AQR: variants seen among roughly 807,000 people sequenced by gnomAD.
The protein encoded by AQR is RNA helicase aquarius.
In AQR, 61 loss-of-function variants were observed where a neutral mutation model predicts 180.5. That is an observed-to-expected ratio of 0.34 (90% CI 0.28 to 0.42). The LOEUF (loss-of-function observed/expected upper bound fraction) is 0.42. AQR is among the 10% of genes least tolerant of loss of function. The pLI is 1.00. For missense variants in AQR, 1,281 were observed against 1,798.3 expected (o/e 0.71, Z 5.20); for synonymous variants, 551 against 588.8 (o/e 0.94, Z 0.93).
In AQR at chr15:34,886,506, A is replaced by T. The variant is rs376538861; in HGVS notation, c.2817+20T>A. On this transcript the variant is annotated intron_variant, in intron 25 of 34. Transcript: ENST00000156471. ...TTCATATTATGATGAAGTATGATTC[A>T]AAAACCCTTAATATCTTACCTGGTA... is the stretch of plus-strand genomic sequence containing the variant. The T allele has an allele frequency of 1.8e-4, 282 of 1,586,348 alleles. No homozygotes were observed. The African/African-American group carries it at 2.5e-3, about 14-fold the overall frequency.
At chr15:34,911,168 C>T (rs1034607337) in intron 16 of AQR, among the ~76,000 whole-genome samples, 1 of 152,162 alleles carries the variant, frequency 6.6e-6, no homozygotes, top group Admixed American at 6.5e-5. Context: ...TACACACACA[C>T]CACATTTTCA....
At chr15:34,870,626 G>T in intron 31 of AQR, 126 bp downstream of exon 31, 1 of 753,760 alleles carries the variant, frequency 1.3e-6, no homozygotes, top group Non-Finnish European at 2.0e-6. Flanking sequence ...GTTATTTATA[G>T]TTCCCATTAT....
At chr15:34,965,664 C>A (rs987293321) in intron 1 of AQR, among the ~76,000 whole-genome samples, 1 of 152,152 alleles carries the variant, frequency 6.6e-6, no homozygotes, top group African/African-American at 2.4e-5. Flanking sequence ...GAGCAAGACT[C>A]CGTCTCTAAA....
At chr15:34,923,045 T>A (rs560302159) in intron 13 of AQR, among the ~76,000 whole-genome samples, 1 of 152,308 alleles carries the variant, frequency 6.6e-6, no homozygotes, top group East Asian at 1.9e-4. Context: ...TACTCATGGT[T>A]GACCAGAGTC....
At chr15:34,924,518 A>C (rs1330774537) in intron 13 of AQR, among the ~76,000 whole-genome samples, 4 of 150,700 alleles carry the variant, frequency 2.7e-5, no homozygotes, top group African/African-American at 9.8e-5. Context: ...TGCAACCTCC[A>C]CCTCCCAAGT....
chr15:34,879,777 A>C (rs1892942925), intron 27 of AQR, among the ~76,000 whole-genome samples: 1 of 152,118 alleles, frequency 6.6e-6, no homozygotes, highest in Non-Finnish European at 1.5e-5. Flanking sequence ...AATAGACAAC[A>C]GGTTTAGTGT....
rs1276884429 is a variant in AQR, at chr15:34,854,346, C to T, written c.*2446G>A. 1.3e-5 allele frequency: 2 copies of T among 152,012 alleles called. No homozygotes were observed. The highest frequency in any genetic ancestry group is 2.9e-5 in the Non-Finnish European group (2 of 68,006). 9.4% of individuals were successfully genotyped at this position (152,012 alleles called of 1,614,324 possible). ...CTGAAATAGTCACATGGCTAGAGTA[C>T]CTGTGTCTGTAGTAATCCCAAACTA... On this transcript the variant is annotated 3_prime_UTR_variant, in exon 35 of 35. Transcript: ENST00000156471.
At chr15:34,939,592 T>A (rs1893994399) in intron 8 of AQR, among the ~76,000 whole-genome samples, 1 of 152,240 alleles carries the variant, frequency 6.6e-6, no homozygotes, top group Non-Finnish European at 1.5e-5. Context: ...ATTACTACTT[T>A]AAGATATATC....
At chr15:34,920,260 C>A in intron 14 of AQR, 72 bp downstream of exon 14, 6 of 1,095,258 alleles carry the variant, frequency 5.5e-6, no homozygotes, top group Non-Finnish European at 8.0e-6. Context: ...TCTATATGAA[C>A]CTACATCTTT....
At chr15:34,950,326 G>C (rs965137114) in intron 4 of AQR, among the ~76,000 whole-genome samples, 4 of 151,870 alleles carry the variant, frequency 2.6e-5, no homozygotes, top group African/African-American at 9.7e-5. Flanking sequence ...TTGACCTTGT[G>C]ATCCACCCGC....
At chr15:34,947,879 A>G (rs1894154383) in intron 5 of AQR, among the ~76,000 whole-genome samples, 1 of 152,152 alleles carries the variant, frequency 6.6e-6, no homozygotes, top group South Asian at 2.1e-4. Context: ...GCTTCGAGCA[A>G]TCCTCCCACC....
intron 32 of AQR, among the ~76,000 whole-genome samples, chr15:34,865,536 G>A (rs951602480): frequency 6.6e-6 from 1 of 152,146 alleles, no homozygotes; most frequent in South Asian, 2.1e-4. Flanking sequence ...GTTACCATAT[G>A]ACCCAGAAAT....
At position 34,897,692 on chromosome 15, in the gene AQR, C is replaced by A. The variant is rs370501493; in HGVS notation, c.2257G>T (p.Val753Leu). Reference sequence around the variant, plus strand: ...CTTTTCTTCCCTTTTCCACTTCTTACTGGAAAAGTTATCCTACAAGACCAA... The same window carrying A: ...CTTTTCTTCCCTTTTCCACTTCTTAATGGAAAAGTTATCCTACAAGACCAA... ...QIPPFRITFP[V>L]RSGKGKKRKD... is the part of the protein sequence containing the mutation. Residue 753 changes from valine to leucine, a missense_variant, in exon 21 of 35, where the codon GTA becomes TTA. By Grantham distance (32) the Val-to-Leu change is conservative. Around this residue, in one of 9 missense-constraint regions of AQR, gnomAD observed 112 missense variants for 128.6 expected, o/e 0.87. Transcript: ENST00000156471. 1.1e-5 allele frequency: 18 copies of A among 1,613,776 alleles called. No individual in the cohort carries two copies. In the African/African-American group the frequency reaches 2.1e-4, roughly 19 times the overall value.
At chr15:34,908,330 G>A (rs149704338) in intron 17 of AQR, among the ~76,000 whole-genome samples, 1,574 of 152,026 alleles carry the variant, frequency 0.01, 32 homozygotes, top group African/African-American at 0.036. Context: ...CCAGCTACTC[G>A]GGAGGCTGAG....
intron 15 of AQR, among the ~76,000 whole-genome samples, chr15:34,916,376 G>A (rs913275451): frequency 2.6e-5 from 4 of 151,678 alleles, no homozygotes; most frequent in African/African-American, 9.7e-5. Context: ...TATCAAAAAG[G>A]TTTTAAAAAA....
At chr15:34,950,085 T>C (rs1207037532) in intron 4 of AQR, among the ~76,000 whole-genome samples, 1 of 14,868 alleles carries the variant, frequency 6.7e-5, no homozygotes, top group African/African-American at 1.3e-4. Context: ...GCTATTTTCC[T>C]TTTTTTTTTT....
At chr15:34,865,417 A>C (rs1301379885) in intron 32 of AQR, among the ~76,000 whole-genome samples, 1 of 152,110 alleles carries the variant, frequency 6.6e-6, no homozygotes, top group East Asian at 1.9e-4. Context: ...GCTGGCTCCA[A>C]CCCAATCACC....
rs1192783699 is a variant in AQR at position 34,940,955 on chromosome 15, T to C, written c.585A>G (p.Lys195=). Reference sequence around the variant, plus strand: ...CATTCTTTTTAATCAAGTTCCAGAATTTTCTTAGCTTAGGTGTCTTTTTTA... The same window carrying C: ...CATTCTTTTTAATCAAGTTCCAGAACTTTCTTAGCTTAGGTGTCTTTTTTA... ...LELKKTPKLR[K]FWNLIKKNDE... is the part of the protein sequence containing the mutation. The change falls in exon 8 of 35, where the codon AAA becomes AAG. Residue 195 remains lysine, a synonymous_variant. Transcript: ENST00000156471. 1 of 1,611,300 alleles carries C rather than the reference T, an allele frequency of 6.2e-7. No individual in the cohort carries two copies. Among genetic ancestry groups the C allele is most frequent in the African/African-American group, 1.3e-5 (1 of 74,750 alleles).
At chr15:34,914,282 C>G (rs963099058) in intron 16 of AQR, among the ~76,000 whole-genome samples, 5 of 152,156 alleles carry the variant, frequency 3.3e-5, no homozygotes, top group African/African-American at 1.2e-4. Context: ...GAGCATTTGC[C>G]TCAAGTCAGC....
Sources: gnomAD v4.1 joint callset for allele counts (sites outside exome capture counted in the v4.1 genomes callset) on GRCh38, gnomAD v4.1.1 for gene constraint, gnomAD v4.1.1 regional missense constraint, MANE v1.5 for transcripts, NCBI Gene and HGNC (gene_info 2026-07-23, HGNC 2026-07-21) for gene names.